The following ROR1 variants were observed in gnomAD, a reference collection of about 807,000 sequenced individuals.
ROR1 encodes the protein inactive tyrosine-protein kinase transmembrane receptor ROR1.
A neutral mutation model predicts 78.8 loss-of-function variants in ROR1; 19 were observed. The ratio of observed to expected loss-of-function variants is 0.24; its 90% confidence interval spans 0.17 to 0.35. The LOEUF (loss-of-function observed/expected upper bound fraction) is 0.35. Among genes scored for constraint, ROR1 ranks in the 10% least tolerant of loss-of-function variants. The probability of loss-of-function intolerance (pLI) is 1.00; values close to 1 mark genes in which losing one functional copy is unlikely to be tolerated. For missense variants in ROR1, 917 were observed against 1,177.8 expected, an observed-to-expected ratio of 0.78 and a Z score of 3.24; for synonymous variants, 386 against 433.6, an observed-to-expected ratio of 0.89 and a Z score of 1.36.
intron 1 of ROR1, among the ~76,000 whole-genome samples, chr1:63,963,429 C>T (rs1646048255): frequency 6.6e-6 from 1 of 151,840 alleles, no homozygotes; most frequent in African/African-American, 2.4e-5. Flanking sequence ...ATTAGCCAGG[C>T]ATGGTGGTGC....
At chr1:63,831,215 G>A (rs941523520) in intron 1 of ROR1, among the ~76,000 whole-genome samples, 1 of 152,196 alleles carries the variant, frequency 6.6e-6, no homozygotes, top group African/African-American at 2.4e-5. Flanking sequence ...CTAGAGGCTG[G>A]TGGCCCTCTT....
At chr1:64,117,047 C>T (rs1255561648) in intron 4 of ROR1, among the ~76,000 whole-genome samples, 1 of 152,134 alleles carries the variant, frequency 6.6e-6, no homozygotes, top group African/African-American at 2.4e-5. Context: ...TAAATATGTC[C>T]TCAACCAAGT....
chr1:63,800,652 C>A (rs1427374686), intron 1 of ROR1, among the ~76,000 whole-genome samples: 11 of 152,200 alleles, frequency 7.2e-5, no homozygotes, highest in African/African-American at 2.7e-4. Context: ...TCCACATTAC[C>A]TGGGAGCTTG....
chr1:64,128,353 C>T (rs940419581), intron 4 of ROR1, among the ~76,000 whole-genome samples: 4 of 149,648 alleles, frequency 2.7e-5, no homozygotes, highest in Non-Finnish European at 4.4e-5. Flanking sequence ...CCTGTAGTTA[C>T]AGCTACTCAG....
At chr1:63,952,880 GA>G (rs1407614714) in intron 1 of ROR1, among the ~76,000 whole-genome samples, 1 of 152,102 alleles carries the variant, frequency 6.6e-6, no homozygotes, top group Non-Finnish European at 1.5e-5. Context: ...GTGGTTTTGG[GA>G]AAGGGCAGTG....
chr1:63,999,725 CAAAT>C (rs1646367669), intron 1 of ROR1, among the ~76,000 whole-genome samples: 1 of 152,076 alleles, frequency 6.6e-6, no homozygotes, highest in Non-Finnish European at 1.5e-5. Context: ...AATGAACAAA[CAAAT>C]GAATTTAATA....
At chr1:64,070,859 C>T (rs141766563) in intron 4 of ROR1, among the ~76,000 whole-genome samples, 1 of 152,098 alleles carries the variant, frequency 6.6e-6, no homozygotes, top group African/African-American at 2.4e-5. Flanking sequence ...AGAAGAAAGT[C>T]TAATGTGTCA....
At chr1:64,060,816 G>C (rs576225994) in intron 4 of ROR1, among the ~76,000 whole-genome samples, 7 of 152,200 alleles carry the variant, frequency 4.6e-5, no homozygotes, top group Non-Finnish European at 1.0e-4. Flanking sequence ...CTAATCTAGT[G>C]GGGGAGCGAG....
At chr1:63,789,926 A>AC (rs1183787898) in intron 1 of ROR1, among the ~76,000 whole-genome samples, 1 of 151,542 alleles carries the variant, frequency 6.6e-6, no homozygotes, top group Non-Finnish European at 1.5e-5. Flanking sequence ...GCTGTCTACA[A>AC]CCCCCTCTGT....
At chr1:64,000,774 C>T (rs1279849040) in intron 1 of ROR1, among the ~76,000 whole-genome samples, 1 of 152,160 alleles carries the variant, frequency 6.6e-6, no homozygotes, top group African/African-American at 2.4e-5. Flanking sequence ...AAAGGACCAC[C>T]TTCCTGCCCT....
intron 4 of ROR1, among the ~76,000 whole-genome samples, chr1:64,092,299 T>C (rs1647205977): frequency 6.6e-6 from 1 of 152,182 alleles, no homozygotes; most frequent in Non-Finnish European, 1.5e-5. Flanking sequence ...CTGGGAATGA[T>C]CCCATGTTAT....
At chr1:64,007,012 T>C (rs1372661980) in intron 1 of ROR1, among the ~76,000 whole-genome samples, 2 of 151,334 alleles carry the variant, frequency 1.3e-5, no homozygotes, top group Non-Finnish European at 2.9e-5. Flanking sequence ...TGTGAAAAGG[T>C]GAGGCCAGAG....
rs547792378 is a variant in ROR1, at chr1:63,912,955, T to G, written c.92-96350T>G. ...AGAAATGGGCAAACTTGGCGGGGGTTGCTGATAGTGACACCACATCTTCCC... is the reference window on the plus strand; with the variant it reads ...AGAAATGGGCAAACTTGGCGGGGGTGGCTGATAGTGACACCACATCTTCCC... On this transcript the variant is annotated intron_variant, in intron 1 of 8. Transcript: ENST00000371079. Among the ~76,000 whole-genome samples the G allele has an allele frequency of 3.9e-5, 6 of 152,224 alleles. No homozygotes were observed. The South Asian group carries it at 1.2e-3, about 32-fold the overall frequency.
intron 1 of ROR1, among the ~76,000 whole-genome samples, chr1:63,897,972 A>G (rs1290130020): frequency 6.6e-6 from 1 of 152,178 alleles, no homozygotes; most frequent in Non-Finnish European, 1.5e-5. Context: ...TCCAGCCAGG[A>G]GACAGAGGAG....
intron 1 of ROR1, among the ~76,000 whole-genome samples, chr1:63,805,327 G>A (rs781167924): frequency 5.3e-5 from 8 of 152,324 alleles, no homozygotes; most frequent in Middle Eastern, 3.4e-3. Context: ...CACTGGCTCA[G>A]TGTGACCTTG....
intron 1 of ROR1, among the ~76,000 whole-genome samples, chr1:63,828,756 A>G (rs1644969862): frequency 1.3e-5 from 2 of 152,068 alleles, no homozygotes. Flanking sequence ...TGTTCAGGAA[A>G]TATTAGCTAC....
intron 1 of ROR1, among the ~76,000 whole-genome samples, chr1:63,849,555 G>T (rs954459803): frequency 6.6e-6 from 1 of 152,038 alleles, no homozygotes; most frequent in Non-Finnish European, 1.5e-5. Flanking sequence ...AAAAGTTGGC[G>T]GGGTGTGGGG....
chr1:63,790,543 T>G (rs1342430428), intron 1 of ROR1, among the ~76,000 whole-genome samples: 1 of 152,126 alleles, frequency 6.6e-6, no homozygotes, highest in African/African-American at 2.4e-5. Flanking sequence ...TAAATTAGGG[T>G]CACCCTGCTC....
rs1230166581 is a variant in ROR1, at chr1:64,140,166, C to T, written c.668C>T (p.Ala223Val). ...TTATCTGATAAGTGTTCTCAGTTCGCCATTCCTTCCCTGTGCCACTATGCC... is the reference window on the plus strand; with the variant it reads ...TTATCTGATAAGTGTTCTCAGTTCGTCATTCCTTCCCTGTGCCACTATGCC... ...SHLSDKCSQF[A>V]IPSLCHYAFP... Residue 223 changes from alanine (A) to valine (V), a missense_variant, in exon 6 of 9, where the codon GCC (alanine) becomes GTC (valine). By Grantham distance (64) the Ala-to-Val change is moderately conservative (BLOSUM62 0). Around this residue, in one of 3 missense-constraint regions of ROR1, gnomAD observed 835 missense variants for 1,069.8 expected, o/e 0.78. Transcript: ENST00000371079. 6.2e-7 allele frequency: 1 copy of T among 1,613,992 alleles called. No individual in the cohort carries two copies. The highest frequency in any genetic ancestry group is 1.3e-5 in the African/African-American group (1 of 74,912).
Sources: allele counts gnomAD v4.1 joint callset (sites outside exome capture counted in the v4.1 genomes callset), GRCh38; gene constraint gnomAD v4.1.1; regional missense constraint gnomAD v4.1.1; transcripts MANE v1.5; gene names NCBI Gene and HGNC (gene_info 2026-07-23, HGNC 2026-07-21).